Variants in KHDRBS2 observed in about 807,000 individuals in gnomAD.
The protein encoded by KHDRBS2 is KH RNA binding domain containing, signal transduction associated 2.
A neutral mutation model predicts 44.3 loss-of-function variants in KHDRBS2; 26 were observed. The observed-to-expected ratio is 0.59, with a 90% CI of 0.43 to 0.81. The LOEUF (loss-of-function observed/expected upper bound fraction) is 0.81. Ranked by LOEUF, KHDRBS2 falls within the 40% of genes least tolerant of loss-of-function variation. The pLI is 0.00. For synonymous variants in KHDRBS2, 194 were observed against 151.1 expected, an observed-to-expected ratio of 1.28 and a Z score of -2.08; for missense variants, 476 against 433.1, an observed-to-expected ratio of 1.10 and a Z score of -0.88.
At chr6:62,186,706 T>C (rs1444744561) in intron 1 of KHDRBS2, among the ~76,000 whole-genome samples, 1 of 152,030 alleles carries the variant, frequency 6.6e-6, no homozygotes, top group Non-Finnish European at 1.5e-5. Context: ...TGGATAGTAT[T>C]GTCATCTAAC....
chr6:62,235,566 T>A (rs1833579655), intron 1 of KHDRBS2, among the ~76,000 whole-genome samples: 2 of 152,046 alleles, frequency 1.3e-5, no homozygotes, highest in Non-Finnish European at 2.9e-5. Flanking sequence ...GCTTTCTCAC[T>A]GAATATTTTT....
intron 6 of KHDRBS2, among the ~76,000 whole-genome samples, chr6:61,759,119 C>T (rs1241935230): frequency 1.3e-5 from 2 of 151,982 alleles, no homozygotes; most frequent in Non-Finnish European, 2.9e-5. Context: ...CCTTTTAAAG[C>T]ATTTAATGGA....
At chr6:62,124,309 TG>T (rs1339424472) in intron 2 of KHDRBS2, among the ~76,000 whole-genome samples, 24 of 152,264 alleles carry the variant, frequency 1.6e-4, no homozygotes, top group Admixed American at 4.6e-4. Context: ...AGTTCTGTCA[TG>T]TCTGCAAAAT....
chr6:61,709,175 G>A (rs999298609), intron 7 of KHDRBS2, among the ~76,000 whole-genome samples: 9 of 151,430 alleles, frequency 5.9e-5, no homozygotes, highest in Non-Finnish European at 8.9e-5. Context: ...TCTCTTTTTC[G>A]TATGCATAAA....
At chr6:62,271,696 T>C (rs2150189010) in intron 1 of KHDRBS2, among the ~76,000 whole-genome samples, 1 of 152,098 alleles carries the variant, frequency 6.6e-6, no homozygotes, top group South Asian at 2.1e-4. Context: ...GGCTAATGTG[T>C]GTAGCTGGGT....
At chr6:61,597,037 T>A in the KHDRBS2 span, among the ~76,000 whole-genome samples, 2 of 152,164 alleles carry the variant, frequency 1.3e-5, no homozygotes, top group African/African-American at 4.8e-5. Flanking sequence ...CTAAATATCA[T>A]TTTTTTGCCA....
chr6:62,091,828 C>T (rs1338890301), intron 2 of KHDRBS2, among the ~76,000 whole-genome samples: 4 of 152,030 alleles, frequency 2.6e-5, no homozygotes, highest in South Asian at 4.1e-4. Context: ...CTATAAAGCA[C>T]GGTTGATAGT....
intron 7 of KHDRBS2, among the ~76,000 whole-genome samples, chr6:61,704,610 T>C (rs748319367): frequency 1.5e-4 from 23 of 151,642 alleles, no homozygotes; most frequent in Non-Finnish European, 2.4e-4. Context: ...TGGTAAGCAG[T>C]TTGGATTTTA....
chr6:61,891,152 C>G (rs962721630), intron 6 of KHDRBS2, among the ~76,000 whole-genome samples: 1 of 152,068 alleles, frequency 6.6e-6, no homozygotes, highest in Non-Finnish European at 1.5e-5. Context: ...TTGAAGAGGA[C>G]AGCATGTTTA....
At chr6:62,030,522 G>T (rs185244362) in intron 3 of KHDRBS2, among the ~76,000 whole-genome samples, 41 of 151,676 alleles carry the variant, frequency 2.7e-4, no homozygotes, top group African/African-American at 8.7e-4. Flanking sequence ...CTTCATTTAG[G>T]GTACTCCTGA....
intron 2 of KHDRBS2, among the ~76,000 whole-genome samples, chr6:62,142,761 A>C (rs1324278695): frequency 6.6e-6 from 1 of 151,840 alleles, no homozygotes; most frequent in Non-Finnish European, 1.5e-5. Context: ...AAGTCCTAAA[A>C]ATGATCTTCA....
At chr6:62,036,096 G>A (rs937896311) in intron 3 of KHDRBS2, among the ~76,000 whole-genome samples, 7 of 151,970 alleles carry the variant, frequency 4.6e-5, no homozygotes, top group Non-Finnish European at 1.0e-4. Context: ...GGCTAGAGTT[G>A]CAGAGAAGTG....
intron 3 of KHDRBS2, among the ~76,000 whole-genome samples, chr6:61,985,207 A>G (rs925002602): frequency 4.6e-5 from 7 of 152,196 alleles, no homozygotes; most frequent in African/African-American, 1.4e-4. Context: ...GTCTAAAGAG[A>G]AAGGTCCTAA....
At chr6:62,120,163 C>T (rs1417242854) in intron 2 of KHDRBS2, among the ~76,000 whole-genome samples, 2 of 152,072 alleles carry the variant, frequency 1.3e-5, no homozygotes, top group African/African-American at 2.4e-5. Context: ...AGTTTATTTG[C>T]TTGGTTAGCT....
At chr6:62,161,722 T>C (rs1817703037) in intron 2 of KHDRBS2, among the ~76,000 whole-genome samples, 1 of 152,000 alleles carries the variant, frequency 6.6e-6, no homozygotes, top group Non-Finnish European at 1.5e-5. Flanking sequence ...TATTGTCTTC[T>C]TTTATGTTTA....
At chr6:61,806,380 T>C (rs1446592108) in intron 6 of KHDRBS2, among the ~76,000 whole-genome samples, 1 of 152,068 alleles carries the variant, frequency 6.6e-6, no homozygotes, top group African/African-American at 2.4e-5. Context: ...GTCCTGAGAA[T>C]ACATAAAAAT....
At chr6:61,585,240 C>T in the KHDRBS2 span, among the ~76,000 whole-genome samples, 2 of 151,744 alleles carry the variant, frequency 1.3e-5, no homozygotes, top group African/African-American at 4.8e-5. Context: ...ACTAGAGAAA[C>T]CATCAGACAG....
intron 7 of KHDRBS2, among the ~76,000 whole-genome samples, chr6:61,725,075 C>A (rs1171350363): frequency 6.6e-6 from 1 of 152,116 alleles, no homozygotes; most frequent in African/African-American, 2.4e-5. Context: ...CATTCCTCAG[C>A]AAATGCAAAA....
At chr6:62,242,634 T>A (rs1438205606) in intron 1 of KHDRBS2, among the ~76,000 whole-genome samples, 39 of 148,142 alleles carry the variant, frequency 2.6e-4, no homozygotes, top group Non-Finnish European at 7.5e-5. Flanking sequence ...AATCTTAATT[T>A]AAAAAAAAAA....
Sources: allele counts gnomAD v4.1 joint callset (sites outside exome capture counted in the v4.1 genomes callset), GRCh38; gene constraint gnomAD v4.1.1; transcripts MANE v1.5; gene names NCBI Gene and HGNC (gene_info 2026-07-23, HGNC 2026-07-21).